Variants in DSCAM observed in about 807,000 individuals in gnomAD.
DSCAM encodes the protein cell adhesion molecule DSCAM.
A neutral mutation model predicts 217.7 loss-of-function variants in DSCAM; 47 were observed. The observed-to-expected ratio is 0.22, with a 90% CI of 0.17 to 0.28. The LOEUF is 0.28. Among genes scored for constraint, DSCAM ranks in the 10% least tolerant of loss-of-function variants. The pLI is 1.00. For synonymous variants in DSCAM, 1,056 were observed against 1,015.3 expected, an observed-to-expected ratio of 1.04 and a Z score of -0.76; for missense variants, 2,080 against 2,618.3, an observed-to-expected ratio of 0.79 and a Z score of 4.49.
chr21:40,513,733 A>G (rs573118956), intron 3 of DSCAM, among the ~76,000 whole-genome samples: 8 of 152,302 alleles, frequency 5.3e-5, no homozygotes, highest in Admixed American at 2.0e-4. Context: ...TAGGGGCCAA[A>G]TTTCAATATG....
intron 3 of DSCAM, among the ~76,000 whole-genome samples, chr21:40,438,617 A>G (rs956540978): frequency 3.9e-5 from 6 of 152,234 alleles, no homozygotes; most frequent in Non-Finnish European, 8.8e-5. Context: ...GGTAATAGGC[A>G]CACAGTGTCT....
At chr21:40,731,865 A>T (rs939912487) in intron 1 of DSCAM, among the ~76,000 whole-genome samples, 1 of 151,534 alleles carries the variant, frequency 6.6e-6, no homozygotes, top group Non-Finnish European at 1.5e-5. Flanking sequence ...AGCAGATGGG[A>T]TTACAGGTGT....
At chr21:40,137,594 T>TACACACACACACAC (rs3988428) in intron 18 of DSCAM, among the ~76,000 whole-genome samples, 5 of 134,916 alleles carry the variant, frequency 3.7e-5, no homozygotes, top group African/African-American at 1.5e-4. Flanking sequence ...GGCTGTTTAA[T>TACACACACACACAC]ACACACACAC....
intron 28 of DSCAM, 70 bp downstream of exon 28, chr21:40,062,799 G>A: frequency 7.0e-7 from 1 of 1,424,580 alleles, no homozygotes; most frequent in Non-Finnish European, 9.5e-7. Flanking sequence ...TAAAAAAATA[G>A]AAATCATCAA....
intron 27 of DSCAM, among the ~76,000 whole-genome samples, chr21:40,072,012 G>T (rs1286398133): frequency 6.6e-6 from 1 of 152,190 alleles, no homozygotes; most frequent in Non-Finnish European, 1.5e-5. Flanking sequence ...CTCTGGCGCT[G>T]TCCTTTTATG....
chr21:40,033,089 G>A (rs1222894424), intron 32 of DSCAM, among the ~76,000 whole-genome samples: 1 of 152,176 alleles, frequency 6.6e-6, no homozygotes, highest in Non-Finnish European at 1.5e-5. Flanking sequence ...ACCAGTTTCA[G>A]TGGTGAGATA....
intron 11 of DSCAM, among the ~76,000 whole-genome samples, chr21:40,242,055 T>C (rs543600211): frequency 3.2e-4 from 49 of 151,952 alleles, no homozygotes; most frequent in Non-Finnish European, 2.1e-4. Flanking sequence ...GTACTGAGCT[T>C]AATACCTGGG....
intron 3 of DSCAM, among the ~76,000 whole-genome samples, chr21:40,472,208 A>G (rs1223306465): frequency 6.6e-6 from 1 of 152,222 alleles, no homozygotes; most frequent in African/African-American, 2.4e-5. Flanking sequence ...TTAAATGTCA[A>G]TGGAATGAGA....
chr21:40,185,768 C>T (rs1022993503), intron 14 of DSCAM, among the ~76,000 whole-genome samples: 1 of 151,772 alleles, frequency 6.6e-6, no homozygotes, highest in South Asian at 2.1e-4. Flanking sequence ...CCTCCCTGGG[C>T]CCTTGGGAAA....
At chr21:40,161,109 T>G (rs1386170687) in intron 16 of DSCAM, among the ~76,000 whole-genome samples, 1 of 152,148 alleles carries the variant, frequency 6.6e-6, no homozygotes, top group Non-Finnish European at 1.5e-5. Context: ...GCAGCCAGCA[T>G]TTTCCTGGCT....
At chr21:40,833,255 G>A (rs1467414593) in intron 1 of DSCAM, among the ~76,000 whole-genome samples, 25 of 152,068 alleles carry the variant, frequency 1.6e-4, no homozygotes, top group Admixed American at 1.5e-3. Context: ...TTCTAGCTAC[G>A]GTTTCAATAT....
intron 3 of DSCAM, among the ~76,000 whole-genome samples, chr21:40,680,856 T>C (rs1161078644): frequency 4.6e-5 from 7 of 152,008 alleles, no homozygotes; most frequent in South Asian, 2.1e-4. Context: ...ATTCAGTTAG[T>C]TTGGAATTAA....
rs73230330 is a variant in DSCAM at position 40,193,980 on chromosome 21, A to G, written c.2357-4742T>C. Among the ~76,000 whole-genome samples the G allele has an allele frequency of 7.6e-4, 116 of 152,358 alleles. 2 individuals carry two copies. The South Asian group carries it at 0.013, about 17-fold the overall frequency. On this transcript the variant is annotated intron_variant, in intron 11 of 32. Coordinates refer to ENST00000400454, the MANE Select transcript of DSCAM (RefSeq NM_001389.5). The stretch of plus-strand genomic sequence containing the variant: ...CCACCAACTGGAAGAACTGTTCTCC[A>G]AAAACTGCAGCATTGTTTTGAGGAC...
chr21:40,134,213 C>A (rs568415651), intron 18 of DSCAM, among the ~76,000 whole-genome samples: 1 of 152,262 alleles, frequency 6.6e-6, no homozygotes, highest in Non-Finnish European at 1.5e-5. Context: ...ACATTCACAC[C>A]AAACTGCTCC....
chr21:40,451,746 C>A (rs538683081), intron 3 of DSCAM, among the ~76,000 whole-genome samples: 1 of 152,032 alleles, frequency 6.6e-6, no homozygotes, highest in African/African-American at 2.4e-5. Flanking sequence ...GATGTGTGCA[C>A]GCCAGAAACT....
chr21:40,594,146 C>T (rs1318178590), intron 3 of DSCAM, among the ~76,000 whole-genome samples: 1 of 152,106 alleles, frequency 6.6e-6, no homozygotes, highest in Non-Finnish European at 1.5e-5. Context: ...TAGGAAGATG[C>T]CCCTACCTCA....
chr21:40,749,813 G>C (rs565500423), intron 1 of DSCAM, among the ~76,000 whole-genome samples: 1 of 152,164 alleles, frequency 6.6e-6, no homozygotes, highest in Non-Finnish European at 1.5e-5. Context: ...CTGAGAGATG[G>C]AACTGACTTA....
intron 1 of DSCAM, among the ~76,000 whole-genome samples, chr21:40,778,673 G>A (rs1179376756): frequency 6.6e-6 from 1 of 152,132 alleles, no homozygotes; most frequent in East Asian, 1.9e-4. Flanking sequence ...GGATGATAAA[G>A]TGTGACAAAT....
chr21:40,346,352 C>A (rs1459338267), intron 6 of DSCAM, among the ~76,000 whole-genome samples: 2 of 152,166 alleles, frequency 1.3e-5, no homozygotes, highest in Non-Finnish European at 2.9e-5. Flanking sequence ...CATTGCTAAA[C>A]CTGCTACTTC....
Sources: allele counts gnomAD v4.1 joint callset (sites outside exome capture counted in the v4.1 genomes callset), GRCh38; gene constraint gnomAD v4.1.1; transcripts MANE v1.5; gene names NCBI Gene and HGNC (gene_info 2026-07-23, HGNC 2026-07-21).